BAP1: variants seen among roughly 807,000 people sequenced by gnomAD.
The protein encoded by BAP1 is ubiquitin carboxyl-terminal hydrolase BAP1.
BAP1 carries 16 observed loss-of-function variants against 77.2 expected under a neutral mutation model. That is an observed-to-expected ratio of 0.21 (90% CI 0.14 to 0.31). The LOEUF is 0.31. Among genes scored for constraint, BAP1 ranks in the 10% least tolerant of loss-of-function variants. BAP1 has a pLI of 1.00. For synonymous variants in BAP1, 362 were observed against 385.2 expected (o/e 0.94, Z 0.71); for missense variants, 699 against 967.3 (o/e 0.72, Z 3.68).
intron 10 of BAP1, chr3:52,405,550 T>C (rs1285574915): frequency 9.5e-6 from 6 of 629,552 alleles, no homozygotes; most frequent in Non-Finnish European, 1.0e-5. Flanking sequence ...AGAAAGGGAG[T>C]GTACATTACA....
intron 10 of BAP1, 85 bp from the exon 11 acceptor site, chr3:52,405,379 C>T: frequency 1.9e-6 from 3 of 1,554,868 alleles, no homozygotes; most frequent in Non-Finnish European, 2.6e-6. Flanking sequence ...TGAACCAGCA[C>T]TTCCCAGAGA....
rs2153226594 is a variant in BAP1, at chr3:52,403,459, C to G, written c.1686G>C (p.Leu562=). The G allele has an allele frequency of 6.2e-7, 1 of 1,613,818 alleles. No homozygotes were observed. The highest frequency in any genetic ancestry group is 2.2e-5 in the East Asian group (1 of 44,896). Residue 562 remains leucine (L), a synonymous_variant, in exon 13 of 17, where the codon CTG becomes CTC. Coordinates refer to ENST00000460680, the MANE Select transcript of BAP1 (RefSeq NM_004656.4). The surrounding 1 kb of genome is among the most constrained non-coding windows in gnomAD (Gnocchi z 4.0). ...DLGPVISTGL[L]HLAEDGVLSP... ...TCAGCACCCCATCCTCAGCCAGGTGCAGCAGGCCTGTGCTGATGACAGGAC... is the reference window on the plus strand; with the variant it reads ...TCAGCACCCCATCCTCAGCCAGGTGGAGCAGGCCTGTGCTGATGACAGGAC...
At position 52,402,444 on chromosome 3, in the gene BAP1, G is replaced by A. The variant is rs1331299400; in HGVS notation, c.2057-23C>T. On this transcript the variant is annotated intron_variant, in intron 16 of 16. Coordinates refer to ENST00000460680, the MANE Select transcript of BAP1 (RefSeq NM_004656.4). This position sits in a 1 kb window ranked among gnomAD's most constrained non-coding sequence, Gnocchi z 5.3. ...TGCCTGCGAAGAGGTAGAGACCCTT[G>A]AGCAGGTGCTGGCTGCCTCAGGCCA... 6.4e-7 allele frequency: 1 copy of A among 1,571,860 alleles called. No homozygotes were observed. Among genetic ancestry groups the A allele is most frequent in the Non-Finnish European group, 8.6e-7 (1 of 1,159,332 alleles).
Position 52,405,860 on chromosome 3 carries a change from G to A in BAP1, c.836C>T (p.Ser279Leu), listed in dbSNP as rs1553645494. The A allele has an allele frequency of 6.2e-7, 1 of 1,614,126 alleles. No individual in the cohort carries two copies. The highest frequency in any genetic ancestry group is 8.5e-7 in the Non-Finnish European group (1 of 1,180,050). The change falls in exon 10 of 17, where the codon TCA (serine) becomes TTA (leucine). Residue 279 changes from serine (S) to leucine (L), a missense_variant. Ser to Leu is a moderately radical substitution (Grantham distance 145, BLOSUM62 -2). Transcript: ENST00000460680. ...TGACTTGGACTCCTCAGGCAGCTGT[G>A]ACTCTTGAGACTTGTGGGTCTGAAT... ...ELIQTHKSQE[S>L]QLPEESKSAS...
intron 10 of BAP1, 128 bp downstream of exon 10, chr3:52,405,637 A>G: frequency 7.0e-7 from 1 of 1,434,710 alleles, no homozygotes. Context: ...CTCTCCCTCT[A>G]CCTTCTGACG....
At position 52,409,815 on chromosome 3, in the gene BAP1, C is replaced by T. The variant is rs1192985377; in HGVS notation, c.37+27G>A. 6.2e-7 allele frequency: 1 copy of T among 1,612,954 alleles called. No individual in the cohort carries two copies. The highest frequency in any genetic ancestry group is 8.5e-7 in the Non-Finnish European group (1 of 1,179,938). On this transcript the variant is annotated intron_variant, in intron 1 of 16. Transcript: ENST00000460680. The stretch of plus-strand genomic sequence containing the variant: ...CCCGGGCCCATCCGGCCTCCCCAGC[C>T]CCTGGCCCTCCCGGTCCCCTCCTCA...
rs1444311772 is a variant in BAP1, at chr3:52,409,472, G to A, written c.122+82C>T. On this transcript the variant is annotated intron_variant, in intron 3 of 16. Transcript: ENST00000460680. ...TTTACAACGTAGGGTTCCTGGCACT[G>A]TCTTCCCTAAGGGGCCCTGTTCTCT... 14 of 1,564,570 alleles carry A rather than the reference G, an allele frequency of 8.9e-6. No individual in the cohort carries two copies. In the East Asian group the frequency reaches 2.7e-4, roughly 30 times the overall value.
intron 11 of BAP1, 136 bp from the exon 12 acceptor site, chr3:52,404,722 G>T: frequency 7.5e-7 from 1 of 1,341,412 alleles, no homozygotes; most frequent in Non-Finnish European, 1.0e-6. Flanking sequence ...TCCATGGCCT[G>T]TCCTTGGCTT....
chr3:52,405,926 C>A lies in BAP1; in HGVS notation c.784-14G>T, dbSNP rs1057523584. On this transcript the variant is annotated splice_polypyrimidine_tract_variant and intron_variant, in intron 9 of 16. Coordinates refer to ENST00000460680, the MANE Select transcript of BAP1 (RefSeq NM_004656.4). ...TACTCTTATCAGCTAACAACAGAATCCAGGGCTCAGAGGAGAAAGGGTAGA... is the reference window on the plus strand; with the variant it reads ...TACTCTTATCAGCTAACAACAGAATACAGGGCTCAGAGGAGAAAGGGTAGA... 2.5e-6 allele frequency: 4 copies of A among 1,613,918 alleles called. No individual in the cohort carries two copies.
rs767064896 is a variant in BAP1 at position 52,404,454 on chromosome 3, T to C, written c.1249A>G (p.Arg417Gly). Residue 417 changes from arginine (R) to glycine (G), a missense_variant and splice_region_variant, in exon 12 of 17, where the codon AGG becomes GGG. By Grantham distance (125) the Arg-to-Gly change is moderately radical (BLOSUM62 -2). Coordinates refer to ENST00000460680, the MANE Select transcript of BAP1 (RefSeq NM_004656.4). ...GTAGCCTTAGAAAGCTGGGCTGACC[T>C]AAGGGCAGAGTTGGTGTTCTGCACG... ...DDVQNTNSAL[R>G]YKGKGTGKPG... The C allele has an allele frequency of 9.9e-6, 16 of 1,614,106 alleles. No homozygotes were observed. The highest frequency in any genetic ancestry group is 5.0e-5 in the Admixed American group (3 of 60,008).
chr3:52,405,736 TCCA>T, intron 10 of BAP1, 26 bp downstream of exon 10: 1 of 1,611,876 alleles, frequency 6.2e-7, no homozygotes, highest in Non-Finnish European at 8.5e-7. Context: ...GGCTCTGAGG[TCCA>T]CAAGAGGTCC....
In BAP1 at chr3:52,406,801, T is replaced by A. The variant is rs1243507048; in HGVS notation, c.659+28A>T. ...CCAAAGTAGGTACAGCTCCAGAGAGTAGAACAGGGCAGGCACAGGGCCCTT... is the reference window on the plus strand; with the variant it reads ...CCAAAGTAGGTACAGCTCCAGAGAGAAGAACAGGGCAGGCACAGGGCCCTT... On this transcript the variant is annotated intron_variant, in intron 8 of 16. Coordinates refer to ENST00000460680, the MANE Select transcript of BAP1 (RefSeq NM_004656.4). The surrounding 1 kb of genome is among the most constrained non-coding windows in gnomAD (Gnocchi z 4.6). 1.3e-6 allele frequency: 2 copies of A among 1,551,216 alleles called. No individual in the cohort carries two copies. Among genetic ancestry groups the A allele is most frequent in the Non-Finnish European group, 1.7e-6 (2 of 1,146,498 alleles).
Position 52,409,947 on chromosome 3 carries a change from C to A in BAP1, c.-69G>T. 1 of 1,557,108 alleles carries A rather than the reference C, an allele frequency of 6.4e-7. No homozygotes were observed. Among genetic ancestry groups the A allele is most frequent in the Non-Finnish European group, 8.6e-7 (1 of 1,157,824 alleles). The stretch of plus-strand genomic sequence containing the variant: ...TCCCCACCGCTGCCCCCACCGGGAG[C>A]CCCCACCGCCCCCGGGGCCCCTCAG... On this transcript the variant is annotated 5_prime_UTR_variant, in exon 1 of 17. Coordinates refer to ENST00000460680, the MANE Select transcript of BAP1 (RefSeq NM_004656.4).
chr3:52,402,659 T>G lies in BAP1; in HGVS notation c.1999A>C (p.Arg667=), dbSNP rs1578218739. The G allele has an allele frequency of 1.2e-6, 2 of 1,614,230 alleles. No homozygotes were observed. The highest frequency in any genetic ancestry group is 1.7e-6 in the Non-Finnish European group (2 of 1,180,032). The change falls in exon 16 of 17, where the codon AGG becomes CGG. Residue 667 remains arginine (R), a synonymous_variant. Transcript: ENST00000460680. This position sits in a 1 kb window ranked among gnomAD's most constrained non-coding sequence, Gnocchi z 5.3. Reference sequence around the variant, plus strand: ...ATGAACTCATCGTAGTTGTGGGTCCTTCTCTGGTCATCAATCTGTAGGAGA... The same window carrying G: ...ATGAACTCATCGTAGTTGTGGGTCCGTCTCTGGTCATCAATCTGTAGGAGA... ...RKKFKIDDQR[R]THNYDEFICT...
In BAP1 at chr3:52,406,151, A is replaced by G. The variant is rs1559589511; in HGVS notation, c.783+102T>C. On this transcript the variant is annotated intron_variant, in intron 9 of 16. Transcript: ENST00000460680. The surrounding 1 kb of genome is among the most constrained non-coding windows in gnomAD (Gnocchi z 4.6). ...GTGGTTAGCTGAAGCCCAGATCTAC[A>G]AGAGAGTATGTTCACGAATCAGAGA... The G allele has an allele frequency of 2.5e-6, 4 of 1,596,462 alleles. No individual in the cohort carries two copies. Among genetic ancestry groups the G allele is most frequent in the Non-Finnish European group, 3.4e-6 (4 of 1,168,254 alleles).
rs1301594623 is a variant in BAP1 at position 52,406,848 on chromosome 3, T to C, written c.640A>G (p.Ile214Val). The C allele has an allele frequency of 6.4e-7, 1 of 1,560,224 alleles. No individual in the cohort carries two copies. Among genetic ancestry groups the C allele is most frequent in the Admixed American group, 1.9e-5 (1 of 52,328 alleles). The change falls in exon 8 of 17, where the codon ATC (isoleucine) becomes GTC (valine). Residue 214 changes from isoleucine to valine, a missense_variant. Coordinates refer to ENST00000460680, the MANE Select transcript of BAP1 (RefSeq NM_004656.4). This position sits in a 1 kb window ranked among gnomAD's most constrained non-coding sequence, Gnocchi z 4.6. The part of the protein sequence containing the change: ...DKARRVIMER[I>V]GLATAGEPYH... ...CCTTACCCTGCAGTGGCGAGGCCGA[T>C]ACGCTCCATGATGACCCGCCGGGCC...
rs374877744 is a variant in BAP1 at position 52,403,277 on chromosome 3, G to T, written c.1751C>A (p.Pro584His). ...ALTEGGKGSSPSIRPIQGSQG... is the reference protein window; with the variant it reads ...ALTEGGKGSSHSIRPIQGSQG... The stretch of plus-strand genomic sequence containing the variant: ...GCTGCCTTGGATTGGTCTGATGGAG[G>T]GCGAGGAACCCTTCCCACCCTCTGG... Residue 584 changes from proline (P) to histidine (H), a missense_variant, in exon 14 of 17, where the codon CCC becomes CAC. Physicochemically the swap from Pro to His is moderately conservative, Grantham distance 77. This residue lies in a region of BAP1 where 475 missense variants were observed against 532.4 expected (regional missense o/e 0.89). Transcript: ENST00000460680. The surrounding 1 kb of genome is among the most constrained non-coding windows in gnomAD (Gnocchi z 4.0). The T allele has an allele frequency of 3.3e-5, 54 of 1,613,848 alleles. No individual in the cohort carries two copies. Among genetic ancestry groups the T allele is most frequent in the Non-Finnish European group, 4.4e-5 (52 of 1,180,024 alleles).
rs1179973244 is a variant in BAP1 at position 52,406,512 on chromosome 3, C to G, written c.660-136G>C. On this transcript the variant is annotated intron_variant, in intron 8 of 16. Coordinates refer to ENST00000460680, the MANE Select transcript of BAP1 (RefSeq NM_004656.4). The surrounding 1 kb of genome is among the most constrained non-coding windows in gnomAD (Gnocchi z 4.6). Reference sequence around the variant, plus strand: ...AGGCCCCACCCCAACAGGCAGGCAGCGACTAGCCATACATGCCAGGCACCT... The same window carrying G: ...AGGCCCCACCCCAACAGGCAGGCAGGGACTAGCCATACATGCCAGGCACCT... 4 of 1,367,760 alleles carry G rather than the reference C, an allele frequency of 2.9e-6. No homozygotes were observed. The highest frequency in any genetic ancestry group is 4.0e-6 in the Non-Finnish European group (4 of 993,922). 84.7% of individuals were successfully genotyped at this position (1,367,760 alleles called of 1,614,324 possible). A position where few individuals can be genotyped will look rare whatever the true frequency, so the allele number is the denominator to read the frequency against.
Position 52,405,920 on chromosome 3 carries a change from C to T in BAP1, c.784-8G>A, listed in dbSNP as rs1433680539. The T allele has an allele frequency of 1.2e-6, 2 of 1,613,980 alleles. No homozygotes were observed. Among genetic ancestry groups the T allele is most frequent in the Non-Finnish European group, 1.7e-6 (2 of 1,180,038 alleles). Reference sequence around the variant, plus strand: ...CTGTGTTACTCTTATCAGCTAACAACAGAATCCAGGGCTCAGAGGAGAAAG... The same window carrying T: ...CTGTGTTACTCTTATCAGCTAACAATAGAATCCAGGGCTCAGAGGAGAAAG... On this transcript the variant is annotated splice_region_variant and splice_polypyrimidine_tract_variant and intron_variant, in intron 9 of 16. Transcript: ENST00000460680.
Sources: allele counts gnomAD v4.1 joint callset, GRCh38; gene constraint gnomAD v4.1.1; regional missense constraint gnomAD v4.1.1; non-coding constraint Gnocchi (gnomAD v3.1); transcripts MANE v1.5; gene names NCBI Gene and HGNC (gene_info 2026-07-23, HGNC 2026-07-21).